IARS1: variants seen among roughly 807,000 people sequenced by gnomAD.
The protein encoded by IARS1 is isoleucyl-tRNA synthetase 1.
A neutral mutation model predicts 168.2 loss-of-function variants in IARS1; 124 were observed. The observed-to-expected ratio is 0.74, with a 90% confidence interval of 0.64 to 0.86. The LOEUF is 0.86. Ranked by LOEUF, IARS1 falls within the 40% of genes least tolerant of loss-of-function variation. The probability of loss-of-function intolerance (pLI) is 0.00; values close to 1 mark genes in which losing one functional copy is unlikely to be tolerated. For missense variants in IARS1, 1,452 were observed against 1,515.8 expected (o/e 0.96, Z 0.70); for synonymous variants, 532 against 529.4 (o/e 1.00, Z -0.07).
intron 17 of IARS1, among the ~76,000 whole-genome samples, chr9:92,261,627 C>G (rs2133803947): frequency 6.6e-6 from 1 of 152,288 alleles, no homozygotes; most frequent in African/African-American, 2.4e-5. Flanking sequence ...ATATCAATAT[C>G]CTGGTTGTGA....
chr9:92,230,117 CTT>C (rs550620035), intron 30 of IARS1, among the ~76,000 whole-genome samples: 1 of 145,860 alleles, frequency 6.9e-6, no homozygotes. Context: ...CTTTTCTTTT[CTT>C]TTTTTTTTTG....
intron 6 of IARS1, among the ~76,000 whole-genome samples, chr9:92,281,553 T>C (rs1834571328): frequency 6.6e-6 from 1 of 152,192 alleles, no homozygotes; most frequent in South Asian, 2.1e-4. Flanking sequence ...TTCTGGAATA[T>C]GGTTATCTTT....
At chr9:92,288,001 A>C in intron 3 of IARS1, 91 bp from the exon 4 acceptor site, 2 of 1,548,500 alleles carry the variant, frequency 1.3e-6, no homozygotes, top group Non-Finnish European at 1.8e-6. Flanking sequence ...TCAAACTACA[A>C]ATATTATAGA....
intron 14 of IARS1, among the ~76,000 whole-genome samples, chr9:92,267,262 A>T (rs757967207): frequency 1.3e-5 from 2 of 152,166 alleles, no homozygotes; most frequent in Non-Finnish European, 2.9e-5. Context: ...GATCCTAGTG[A>T]ACACTGGTGG....
At chr9:92,261,186 G>C (rs1389121859) in intron 17 of IARS1, among the ~76,000 whole-genome samples, 1 of 152,068 alleles carries the variant, frequency 6.6e-6, no homozygotes, top group Non-Finnish European at 1.5e-5. Context: ...GTTCATGCCT[G>C]TGGTCCCAGC....
intron 30 of IARS1, 60 bp from the exon 31 acceptor site, chr9:92,229,186 C>T (rs1306400731): frequency 2.5e-6 from 4 of 1,573,858 alleles, no homozygotes; most frequent in Admixed American, 1.8e-5. Context: ...GAAAATGTTA[C>T]ATTTGGAGGA....
intron 16 of IARS1, among the ~76,000 whole-genome samples, chr9:92,264,478 A>G (rs962159597): frequency 6.6e-5 from 10 of 152,142 alleles, no homozygotes; most frequent in Admixed American, 5.9e-4. Context: ...TCTCATATGT[A>G]TATTTTTTAA....
intron 33 of IARS1, among the ~76,000 whole-genome samples, chr9:92,215,341 T>C (rs890357545): frequency 7.9e-5 from 12 of 151,942 alleles, no homozygotes; most frequent in African/African-American, 2.9e-4. Context: ...ACAGAAAAAC[T>C]GGAAACTCTA....
chr9:92,274,583 G>GT, intron 9 of IARS1, 62 bp from the exon 10 acceptor site: 1 of 1,195,196 alleles, frequency 8.4e-7, no homozygotes, highest in Non-Finnish European at 1.2e-6. Context: ...CGTTAACTTT[G>GT]TAACAGTTTT....
At chr9:92,250,670 C>T (rs374185069) in intron 23 of IARS1, 43 bp downstream of exon 23, 38 of 1,510,778 alleles carry the variant, frequency 2.5e-5, no homozygotes, top group African/African-American at 1.4e-5. Flanking sequence ...AGCAACTCTC[C>T]CCTCCTTGGC....
In IARS1 at chr9:92,277,929, A is replaced by G. The variant is rs1184661161; in HGVS notation, c.834-6T>C. On this transcript the variant is annotated splice_polypyrimidine_tract_variant and splice_region_variant and intron_variant, in intron 8 of 33. Coordinates refer to ENST00000443024, the MANE Select transcript of IARS1 (RefSeq NM_002161.6). ...TAAGATAGGCACCAGGAAATCTAGA[A>G]AAGGAGAAAGGCAAACTCACAATTA... 1.9e-6 allele frequency: 3 copies of G among 1,612,728 alleles called. No individual in the cohort carries two copies. Among genetic ancestry groups the G allele is most frequent in the Non-Finnish European group, 2.5e-6 (3 of 1,179,056 alleles).
rs747015108 is a variant in IARS1, at chr9:92,253,494, C to A, written c.2138-41G>T. On this transcript the variant is annotated intron_variant, in intron 20 of 33. Coordinates refer to ENST00000443024, the MANE Select transcript of IARS1 (RefSeq NM_002161.6). ...GTCAATCAGGCAGCAAGTGGGTTACCAGGCATCTGGGGTGGGGAGAGGGTT... is the reference window on the plus strand; with the variant it reads ...GTCAATCAGGCAGCAAGTGGGTTACAAGGCATCTGGGGTGGGGAGAGGGTT... 3.7e-6 allele frequency: 5 copies of A among 1,348,058 alleles called. No homozygotes were observed. In the East Asian group the frequency reaches 1.1e-4, roughly 31 times the overall value. 83.5% of individuals were successfully genotyped at this position (1,348,058 alleles called of 1,614,324 possible).
intron 31 of IARS1, among the ~76,000 whole-genome samples, chr9:92,226,523 G>A (rs1037213159): frequency 1.1e-4 from 16 of 152,140 alleles, no homozygotes; most frequent in African/African-American, 3.9e-4. Context: ...GTTTTCTGAG[G>A]CTGCCATAGT....
chr9:92,225,117 G>A (rs563786192), intron 31 of IARS1, among the ~76,000 whole-genome samples: 1 of 152,202 alleles, frequency 6.6e-6, no homozygotes, highest in Admixed American at 6.5e-5. Context: ...CAGCTTGGTT[G>A]TACTGCACTG....
chr9:92,229,321 T>C (rs1826271931), intron 30 of IARS1, among the ~76,000 whole-genome samples, 195 bp from the exon 31 acceptor site: 1 of 150,814 alleles, frequency 6.6e-6, no homozygotes, highest in African/African-American at 2.5e-5. Context: ...TATATATACA[T>C]ATATATACAT....
At chr9:92,236,363 C>G (rs894507075) in intron 30 of IARS1, among the ~76,000 whole-genome samples, 25 of 149,342 alleles carry the variant, frequency 1.7e-4, no homozygotes, top group Non-Finnish European at 3.1e-4. Context: ...ATGTTCCTTC[C>G]TCTTCTATTT....
intron 27 of IARS1, among the ~76,000 whole-genome samples, chr9:92,244,426 T>C (rs996200589): frequency 4.6e-5 from 7 of 152,136 alleles, no homozygotes; most frequent in Non-Finnish European, 8.8e-5. Context: ...CAAACCCACA[T>C]GCGAGATCTT....
chr9:92,267,824 A>G (rs993309173), intron 14 of IARS1, among the ~76,000 whole-genome samples: 1 of 152,214 alleles, frequency 6.6e-6, no homozygotes, highest in African/African-American at 2.4e-5. Flanking sequence ...CATCATCTAT[A>G]AAGTCAGTTT....
At chr9:92,256,909 C>A (rs1830811320) in intron 19 of IARS1, 109 bp from the exon 20 acceptor site, 4 of 1,006,418 alleles carry the variant, frequency 4.0e-6, no homozygotes, top group Non-Finnish European at 5.6e-6. Context: ...AAATCCCAGA[C>A]CCTACTGGCA....
Sources: gnomAD v4.1 joint callset for allele counts (sites outside exome capture counted in the v4.1 genomes callset) on GRCh38, gnomAD v4.1.1 for gene constraint, MANE v1.5 for transcripts, NCBI Gene and HGNC (gene_info 2026-07-23, HGNC 2026-07-21) for gene names.